Variants in SNX29 observed in about 807,000 individuals in gnomAD.
The protein encoded by SNX29 is sorting nexin-29.
Under a neutral mutation model 102.1 loss-of-function variants are expected in SNX29, and 78 were observed. The observed-to-expected ratio is 0.76, with a 90% CI of 0.64 to 0.92. SNX29 has a LOEUF of 0.92. SNX29 is among the 40% of genes least tolerant of loss of function. The pLI is 0.00. For synonymous variants in SNX29, 580 were observed against 414.5 expected (o/e 1.40, Z -4.85); for missense variants, 1,280 against 1,061.7 (o/e 1.21, Z -2.86).
At chr16:12,151,006 G>T (rs2055276418) in intron 13 of SNX29, among the ~76,000 whole-genome samples, 1 of 152,122 alleles carries the variant, frequency 6.6e-6, no homozygotes, top group Non-Finnish European at 1.5e-5. Flanking sequence ...CTGCTGTATG[G>T]CCACAGAGTC....
chr16:12,384,664 G>C (rs1483630787), intron 16 of SNX29, among the ~76,000 whole-genome samples: 4 of 152,104 alleles, frequency 2.6e-5, no homozygotes, highest in African/African-American at 9.7e-5. Context: ...CCCATTCTGT[G>C]GGTTGTTTCT....
chr16:12,174,269 C>G (rs892181910), intron 13 of SNX29, among the ~76,000 whole-genome samples: 5 of 152,194 alleles, frequency 3.3e-5, no homozygotes, highest in African/African-American at 1.2e-4. Flanking sequence ...TGCTTCTGAG[C>G]TGTAGGAATT....
chr16:12,561,610 G>A (rs553023768), intron 20 of SNX29, among the ~76,000 whole-genome samples: 17 of 152,170 alleles, frequency 1.1e-4, no homozygotes, highest in South Asian at 2.1e-4. Context: ...AGGACACAAC[G>A]CAGTGTACCC....
intron 4 of SNX29, among the ~76,000 whole-genome samples, chr16:12,033,740 G>A (rs1250116839): frequency 6.6e-6 from 1 of 151,832 alleles, no homozygotes; most frequent in Admixed American, 6.6e-5. Context: ...CTGAGTAGCT[G>A]CGATTACAGG....
In SNX29 at chr16:12,569,544, C is replaced by T. The variant is rs1321416563; in HGVS notation, c.*915C>T. ...ACTATGAAGTTGGACCCAGTGTGGA[C>T]ACTTAACAGATCATGTGTCTCTCCA... On this transcript the variant is annotated 3_prime_UTR_variant, in exon 21 of 21. Coordinates refer to ENST00000566228, the MANE Select transcript of SNX29 (RefSeq NM_032167.5). 2.6e-5 allele frequency: 6 copies of T among 231,388 alleles called. No individual in the cohort carries two copies. The highest frequency in any genetic ancestry group is 5.1e-5 in the Non-Finnish European group (6 of 116,996). 14.3% of individuals were successfully genotyped at this position (231,388 alleles called of 1,614,324 possible). A position where few individuals can be genotyped will look rare whatever the true frequency, so the allele number is the denominator to read the frequency against.
Position 12,482,830 on chromosome 16 carries a change from C to G in SNX29, c.2178+4971C>G, listed in dbSNP as rs527830395. ...TTTATAGTTGAAAGTGATCTTAATC[C>G]CAATTTGAATCTTTTTTAATTGACA... On this transcript the variant is annotated intron_variant, in intron 19 of 20. Transcript: ENST00000566228. Among the ~76,000 whole-genome samples the G allele has an allele frequency of 2.0e-5, 3 of 152,180 alleles. No individual in the cohort carries two copies. In the East Asian group the frequency reaches 5.8e-4, roughly 29 times the overall value.
At chr16:12,365,788 AT>A (rs1215080876) in intron 16 of SNX29, among the ~76,000 whole-genome samples, 2 of 151,532 alleles carry the variant, frequency 1.3e-5, no homozygotes, top group Non-Finnish European at 2.9e-5. Flanking sequence ...CACGCCTGTA[AT>A]CCCAGCACTT....
At chr16:12,555,576 C>A (rs1409042621) in intron 20 of SNX29, among the ~76,000 whole-genome samples, 1 of 151,866 alleles carries the variant, frequency 6.6e-6, no homozygotes, top group Non-Finnish European at 1.5e-5. Flanking sequence ...TCTCTCACCT[C>A]CATTTCTCCC....
rs1257675737 is a variant in SNX29 at position 12,069,326 on chromosome 16, C to T, written c.1319+194C>T. 4.6e-5 allele frequency among the ~76,000 whole-genome samples: 7 copies of T among 152,168 alleles called. No individual in the cohort carries two copies. The East Asian group carries it at 9.6e-4, about 21-fold the overall frequency. Reference sequence around the variant, plus strand: ...TGTTGCCCAGGCTAGAGTGCAGTGGCGCAGTCTCGGCTCACTGCAAACTCC... The same window carrying T: ...TGTTGCCCAGGCTAGAGTGCAGTGGTGCAGTCTCGGCTCACTGCAAACTCC... On this transcript the variant is annotated intron_variant, in intron 10 of 20. Coordinates refer to ENST00000566228, the MANE Select transcript of SNX29 (RefSeq NM_032167.5).
At chr16:12,417,470 G>T (rs887836436) in intron 18 of SNX29, among the ~76,000 whole-genome samples, 2 of 152,312 alleles carry the variant, frequency 1.3e-5, no homozygotes, top group Admixed American at 1.3e-4. Flanking sequence ...GTGGGTCAGA[G>T]GGGGTGGGTG....
intron 16 of SNX29, among the ~76,000 whole-genome samples, chr16:12,387,420 T>C (rs913084052): frequency 6.6e-5 from 10 of 151,468 alleles, no homozygotes; most frequent in African/African-American, 2.2e-4. Context: ...GTCTCAGAAG[T>C]GGAGAACAGG....
rs111305326 is a variant in SNX29 at position 12,547,590 on chromosome 16, C to T, written c.2319-20916C>T. ...CCCCCTCCCTCACGAGGATTAAATA[C>T]ACCCCCACGAAGTCAGCCTCAGCAC... On this transcript the variant is annotated intron_variant, in intron 20 of 20. Transcript: ENST00000566228. Among the ~76,000 whole-genome samples the T allele has an allele frequency of 3.3e-3, 495 of 152,116 alleles. 6 individuals are homozygous for T. The highest frequency in any genetic ancestry group is 0.011 in the African/African-American group (471 of 41,420).
At chr16:12,373,691 A>G (rs1037408757) in intron 16 of SNX29, 1 of 152,210 alleles carries the variant, frequency 6.6e-6, no homozygotes, top group African/African-American at 2.4e-5. Flanking sequence ...AGTATAAAGC[A>G]TTGGCTGAAT....
chr16:12,231,496 C>G (rs1170876180), intron 14 of SNX29, among the ~76,000 whole-genome samples: 2 of 151,418 alleles, frequency 1.3e-5, no homozygotes, highest in Non-Finnish European at 2.9e-5. Flanking sequence ...GTGGATAGAC[C>G]AGAGTTTTAG....
rs189422590 is a variant in SNX29, at chr16:12,570,813, G to T, written c.*2184G>T. ...CCCCATTGCTGAGAGATACTAACCC[G>T]TGAGAAACAAGTATGCTCTCAGCTG... On this transcript the variant is annotated 3_prime_UTR_variant, in exon 21 of 21. Transcript: ENST00000566228. The T allele has an allele frequency of 4.3e-6, 1 of 232,032 alleles. No homozygotes were observed. Among genetic ancestry groups the T allele is most frequent in the Non-Finnish European group, 8.5e-6 (1 of 117,378 alleles). 14.4% of individuals were successfully genotyped at this position (232,032 alleles called of 1,614,324 possible). A position where few individuals can be genotyped will look rare whatever the true frequency, so the allele number is the denominator to read the frequency against.
At chr16:12,479,332 A>C (rs2087800735) in intron 19 of SNX29, among the ~76,000 whole-genome samples, 1 of 152,234 alleles carries the variant, frequency 6.6e-6, no homozygotes, top group African/African-American at 2.4e-5. Flanking sequence ...TCACAGAAAC[A>C]CAGAGCAAGA....
At chr16:12,545,878 T>G (rs148437997) in intron 20 of SNX29, among the ~76,000 whole-genome samples, 2 of 152,154 alleles carry the variant, frequency 1.3e-5, no homozygotes, top group East Asian at 3.9e-4. Context: ...GCCTAAGCCG[T>G]GGGCATTGGG....
chr16:12,247,984 A>G (rs2142356441), intron 14 of SNX29, among the ~76,000 whole-genome samples: 1 of 152,044 alleles, frequency 6.6e-6, no homozygotes, highest in East Asian at 1.9e-4. Context: ...CTTCCCCTCC[A>G]CTGCAGCCCT....
At chr16:12,420,345 C>G (rs1597319484) in intron 18 of SNX29, among the ~76,000 whole-genome samples, 1 of 152,224 alleles carries the variant, frequency 6.6e-6, no homozygotes, top group Non-Finnish European at 1.5e-5. Context: ...TTAGACCCAT[C>G]CTGATTTCAG....
Sources: allele counts gnomAD v4.1 joint callset (sites outside exome capture counted in the v4.1 genomes callset), GRCh38; gene constraint gnomAD v4.1.1; transcripts MANE v1.5; gene names NCBI Gene and HGNC (gene_info 2026-07-23, HGNC 2026-07-21).